DCC: variants seen among roughly 807,000 people sequenced by gnomAD.
The protein encoded by DCC is netrin receptor DCC.
A neutral mutation model predicts 172.5 loss-of-function variants in DCC; 58 were observed. The observed-to-expected ratio is 0.34, with a 90% CI of 0.27 to 0.42. The LOEUF (loss-of-function observed/expected upper bound fraction) is 0.42, where lower values mean the gene tolerates loss of function less well. Among genes scored for constraint, DCC ranks in the 10% least tolerant of loss-of-function variants. DCC has a pLI of 1.00. For synonymous variants in DCC, 709 were observed against 644.5 expected (o/e 1.10, Z -1.52); for missense variants, 1,740 against 1,791.0 (o/e 0.97, Z 0.51).
intron 1 of DCC, among the ~76,000 whole-genome samples, chr18:52,383,441 C>T (rs1273511391): frequency 1.3e-5 from 2 of 151,902 alleles, no homozygotes; most frequent in Non-Finnish European, 2.9e-5. Context: ...ACATGATTTT[C>T]CAGTCTTCTT....
At chr18:52,985,033 G>T (rs1228420340) in intron 5 of DCC, among the ~76,000 whole-genome samples, 2 of 151,992 alleles carry the variant, frequency 1.3e-5, no homozygotes, top group Non-Finnish European at 2.9e-5. Context: ...TTATTAAAGT[G>T]AAAATACATT....
chr18:52,447,946 T>C (rs907777380), intron 1 of DCC, among the ~76,000 whole-genome samples: 4 of 151,910 alleles, frequency 2.6e-5, no homozygotes, highest in Admixed American at 6.6e-5. Flanking sequence ...TATTCCAACA[T>C]GAGATTTGAT....
intron 1 of DCC, among the ~76,000 whole-genome samples, chr18:52,426,157 C>T (rs907952817): frequency 3.3e-5 from 5 of 152,068 alleles, no homozygotes; most frequent in Admixed American, 2.0e-4. Flanking sequence ...CTGTACCAGC[C>T]TGATCAAAGC....
intron 1 of DCC, among the ~76,000 whole-genome samples, chr18:52,721,993 C>G (rs370570184): frequency 6.6e-6 from 1 of 152,042 alleles, no homozygotes; most frequent in Non-Finnish European, 1.5e-5. Context: ...CACTGCATTC[C>G]AGGCTGGGCC....
intron 27 of DCC, among the ~76,000 whole-genome samples, chr18:53,503,479 A>G (rs1431688067): frequency 6.6e-6 from 1 of 152,232 alleles, no homozygotes; most frequent in East Asian, 1.9e-4. Flanking sequence ...GGCTGCAATC[A>G]CTACACTTTG....
chr18:52,920,492 T>C (rs2040106908), intron 3 of DCC, among the ~76,000 whole-genome samples: 3 of 152,014 alleles, frequency 2.0e-5, no homozygotes, highest in African/African-American at 7.2e-5. Context: ...ATCTATTATA[T>C]ACCATTACAC....
chr18:52,430,995 C>T (rs1287908149), intron 1 of DCC, among the ~76,000 whole-genome samples: 1 of 152,082 alleles, frequency 6.6e-6, no homozygotes, highest in Non-Finnish European at 1.5e-5. Flanking sequence ...AGGTTCACCC[C>T]ACAAAACTGG....
At chr18:52,492,019 T>C (rs1453025012) in intron 1 of DCC, among the ~76,000 whole-genome samples, 3 of 151,846 alleles carry the variant, frequency 2.0e-5, no homozygotes, top group Non-Finnish European at 4.4e-5. Context: ...GATTAGATGT[T>C]AGGGGAAATA....
At chr18:52,691,600 G>A (rs11661726) in intron 1 of DCC, among the ~76,000 whole-genome samples, 55,512 of 151,964 alleles carry the variant, frequency 0.37, 11,447 homozygotes, top group Non-Finnish European at 0.47. Context: ...CTCTGTGTGT[G>A]TCCTCTCTTC....
chr18:52,765,537 C>T (rs1426465297), intron 2 of DCC, among the ~76,000 whole-genome samples: 1 of 152,186 alleles, frequency 6.6e-6, no homozygotes, highest in African/African-American at 2.4e-5. Context: ...CTTTAACTGG[C>T]CCCCTAGACT....
intron 1 of DCC, among the ~76,000 whole-genome samples, chr18:52,638,826 G>A (rs2034834806): frequency 6.6e-6 from 1 of 152,110 alleles, no homozygotes; most frequent in Middle Eastern, 3.4e-3. Flanking sequence ...AAGAAACAAT[G>A]GATTTAAACT....
intron 1 of DCC, among the ~76,000 whole-genome samples, chr18:52,515,355 C>G (rs1254185313): frequency 6.6e-6 from 1 of 151,784 alleles, no homozygotes; most frequent in Non-Finnish European, 1.5e-5. Flanking sequence ...CGCCTGTAAT[C>G]TCAATACTGT....
At chr18:52,901,903 CACTTA>C (rs2039814996) in intron 2 of DCC, among the ~76,000 whole-genome samples, 1 of 152,182 alleles carries the variant, frequency 6.6e-6, no homozygotes, top group Non-Finnish European at 1.5e-5. Context: ...TTTATTTATA[CACTTA>C]ACTTTTTATA....
intron 27 of DCC, among the ~76,000 whole-genome samples, chr18:53,523,395 C>T (rs910273626): frequency 6.6e-6 from 1 of 151,926 alleles, no homozygotes; most frequent in Admixed American, 6.6e-5. Flanking sequence ...GCCATTTGAC[C>T]CAGCAATCCT....
At chr18:52,462,553 C>T (rs1175834333) in intron 1 of DCC, among the ~76,000 whole-genome samples, 1 of 152,128 alleles carries the variant, frequency 6.6e-6, no homozygotes, top group African/African-American at 2.4e-5. Flanking sequence ...TAGGTCTTTG[C>T]TCAACTGTCA....
intron 2 of DCC, among the ~76,000 whole-genome samples, chr18:52,797,828 G>A (rs1348462498): frequency 6.6e-6 from 1 of 152,212 alleles, no homozygotes; most frequent in Non-Finnish European, 1.5e-5. Context: ...CAGGTCCCCG[G>A]ACAGTACATT....
intron 13 of DCC, among the ~76,000 whole-genome samples, chr18:53,310,345 G>A (rs1255466864): frequency 6.6e-6 from 1 of 151,976 alleles, no homozygotes; most frequent in East Asian, 1.9e-4. Flanking sequence ...TAAGATACAT[G>A]GATTTATTGA....
chr18:53,227,122 T>C (rs2056046087), intron 12 of DCC, among the ~76,000 whole-genome samples: 1 of 150,864 alleles, frequency 6.6e-6, no homozygotes, highest in African/African-American at 2.4e-5. Flanking sequence ...TAATTTTTTG[T>C]ATTTTTAATA....
chr18:52,414,260 T>C (rs2144411035), intron 1 of DCC, among the ~76,000 whole-genome samples: 1 of 152,206 alleles, frequency 6.6e-6, no homozygotes, highest in South Asian at 2.1e-4. Context: ...ATTTTTGTAT[T>C]TTTAGTAGAG....
Sources: gnomAD v4.1 joint callset for allele counts (sites outside exome capture counted in the v4.1 genomes callset) on GRCh38, gnomAD v4.1.1 for gene constraint, MANE v1.5 for transcripts, NCBI Gene and HGNC (gene_info 2026-07-23, HGNC 2026-07-21) for gene names.